The following MOSMO variants were observed in gnomAD, a reference collection of about 807,000 sequenced individuals.
MOSMO encodes modulator of smoothened, also known as modulator of smoothened protein.
In MOSMO, 5 loss-of-function variants were observed where a neutral mutation model predicts 18.4. That is an observed-to-expected ratio of 0.27 (90% CI 0.14 to 0.57). MOSMO has a LOEUF of 0.57. Among genes scored for constraint, MOSMO ranks in the 20% least tolerant of loss-of-function variants. The pLI, the probability that MOSMO is intolerant of heterozygous loss-of-function variation, is 0.92. For synonymous variants in MOSMO, 82 were observed against 82.3 expected (o/e 1.00, Z 0.02); for missense variants, 138 against 211.8 (o/e 0.65, Z 2.16).
chr16:22,088,128 A>AT (rs1273351481), downstream of MOSMO, among the ~76,000 whole-genome samples: 1 of 151,946 alleles, frequency 6.6e-6, no homozygotes, highest in Non-Finnish European at 1.5e-5. Context: ...GGCTCAAGCG[A>AT]TTCACCCACC....
chr16:22,028,862 A>ATGTT (rs1004414627), intron 1 of MOSMO, among the ~76,000 whole-genome samples: 2 of 151,792 alleles, frequency 1.3e-5, no homozygotes, highest in African/African-American at 4.8e-5. Flanking sequence ...ACCCACTGCT[A>ATGTT]TGTTTGTTTG....
At position 22,062,512 on chromosome 16, in the gene MOSMO, A is replaced by G. The variant is rs1417902129; in HGVS notation, c.107-12975A>G. Among the ~76,000 whole-genome samples the G allele has an allele frequency of 6.6e-5, 10 of 152,156 alleles. No homozygotes were observed. In the East Asian group the frequency reaches 1.7e-3, roughly 27 times the overall value. ...TGATTTTTTTAGTTTTTGTAGAGAT[A>G]AAGTCCCAGTGTGTTGCCCAGGCTC... On this transcript the variant is annotated intron_variant, in intron 1 of 2. Transcript: ENST00000542527.
Position 22,075,564 on chromosome 16 carries a change from C to T in MOSMO, c.184C>T (p.Pro62Ser), listed in dbSNP as rs1420038392. ...RDRTCIPPRL[P>S]PEWVTTLFFI... ...CCGGACGTGCATCCCTCCCCGGCTT[C>T]CCCCGGAGTGGGTCACCACACTGTT... Residue 62 changes from proline to serine, a missense_variant, in exon 2 of 3, where the codon CCC becomes TCC. By Grantham distance (74) the Pro-to-Ser change is moderately conservative. Coordinates refer to ENST00000542527, the MANE Select transcript of MOSMO (RefSeq NM_001164579.2). 28 of 1,537,158 alleles carry T rather than the reference C, an allele frequency of 1.8e-5. No individual in the cohort carries two copies. Among genetic ancestry groups the T allele is most frequent in the Non-Finnish European group, 2.3e-5 (26 of 1,146,896 alleles).
At chr16:22,067,903 A>G (rs1173211874) in intron 1 of MOSMO, among the ~76,000 whole-genome samples, 1 of 148,990 alleles carries the variant, frequency 6.7e-6, no homozygotes, top group Non-Finnish European at 1.5e-5. Flanking sequence ...AAAAAAAAAA[A>G]TCACTGTCAA....
chr16:22,016,409 A>C (rs1899638373), intron 1 of MOSMO, among the ~76,000 whole-genome samples: 3 of 152,138 alleles, frequency 2.0e-5, no homozygotes, highest in Non-Finnish European at 4.4e-5. Flanking sequence ...TGTCTGTCTT[A>C]TTTATTTACT....
intron 1 of MOSMO, among the ~76,000 whole-genome samples, chr16:22,052,225 A>G (rs1233759083): frequency 6.6e-6 from 1 of 152,238 alleles, no homozygotes; most frequent in Non-Finnish European, 1.5e-5. Flanking sequence ...AGACAACTGT[A>G]CAAATACAGT....
At chr16:22,056,401 C>T (rs1250828124) in intron 1 of MOSMO, among the ~76,000 whole-genome samples, 12 of 97,566 alleles carry the variant, frequency 1.2e-4, no homozygotes, top group African/African-American at 4.8e-4. Context: ...GAGACAGTTT[C>T]GCTCTTGTCG....
intron 1 of MOSMO, among the ~76,000 whole-genome samples, chr16:22,010,221 C>A (rs543889896): frequency 6.6e-6 from 1 of 152,244 alleles, no homozygotes; most frequent in Non-Finnish European, 1.5e-5. Flanking sequence ...AATTCTGCTA[C>A]TTTTCTTGCC....
intron 1 of MOSMO, among the ~76,000 whole-genome samples, chr16:22,023,832 A>G (rs1899814071): frequency 6.6e-6 from 1 of 151,972 alleles, no homozygotes; most frequent in Admixed American, 6.6e-5. Flanking sequence ...TATCTAATGA[A>G]GAAGACTCTT....
At chr16:22,089,782 C>A (rs115722439), downstream of MOSMO, among the ~76,000 whole-genome samples, 246 of 152,132 alleles carry the variant, frequency 1.6e-3, no homozygotes, top group African/African-American at 5.6e-3. Context: ...TGGACTCTTC[C>A]CTGAATGCAC....
intron 1 of MOSMO, among the ~76,000 whole-genome samples, chr16:22,025,595 C>T (rs1189456171): frequency 1.3e-5 from 2 of 151,978 alleles, no homozygotes; most frequent in Non-Finnish European, 2.9e-5. Flanking sequence ...ATCATGTAAC[C>T]ATCAAGGAAA....
intron 1 of MOSMO, among the ~76,000 whole-genome samples, chr16:22,055,319 C>G (rs931560464): frequency 6.6e-6 from 1 of 152,170 alleles, no homozygotes; most frequent in Non-Finnish European, 1.5e-5. Context: ...AGTCAACACA[C>G]TGCTTCTGGG....
In MOSMO at chr16:22,021,169, C is replaced by T. The variant is rs768404325; in HGVS notation, c.106+12762C>T. ...ATCCAATGTTCCTCATCTGAGCCCA[C>T]GGGAAGGGCCATTGGTCTGGTCTAG... On this transcript the variant is annotated intron_variant, in intron 1 of 2. Transcript: ENST00000542527. Among the ~76,000 whole-genome samples the T allele has an allele frequency of 1.2e-4, 19 of 152,208 alleles. 1 individual carries two copies. The highest frequency in any genetic ancestry group is 4.2e-4 in the South Asian group (2 of 4,818).
At chr16:22,058,182 C>T (rs1345093724) in intron 1 of MOSMO, among the ~76,000 whole-genome samples, 1 of 152,132 alleles carries the variant, frequency 6.6e-6, no homozygotes. Flanking sequence ...AATCCCAGCA[C>T]TTTGGGAGGC....
At chr16:22,051,915 G>T (rs148282844) in intron 1 of MOSMO, among the ~76,000 whole-genome samples, 1 of 152,124 alleles carries the variant, frequency 6.6e-6, no homozygotes. Flanking sequence ...GTGTGGGGGA[G>T]AAACCCCACG....
At chr16:22,033,478 C>T (rs1190263921) in intron 1 of MOSMO, among the ~76,000 whole-genome samples, 2 of 151,958 alleles carry the variant, frequency 1.3e-5, no homozygotes, top group South Asian at 4.2e-4. Flanking sequence ...ACCTCGGCCT[C>T]CTGGGTTCAG....
chr16:22,036,204 G>A (rs539767390), intron 1 of MOSMO, among the ~76,000 whole-genome samples: 13 of 152,114 alleles, frequency 8.5e-5, no homozygotes, highest in Admixed American at 2.0e-4. Flanking sequence ...ATGGCTCACC[G>A]CAGCCTTGAC....
chr16:22,023,874 G>A (rs1899815550), intron 1 of MOSMO, among the ~76,000 whole-genome samples: 1 of 151,744 alleles, frequency 6.6e-6, no homozygotes, highest in Non-Finnish European at 1.5e-5. Context: ...AGGCTACAGA[G>A]GTACTTACTC....
intron 1 of MOSMO, among the ~76,000 whole-genome samples, chr16:22,062,736 T>C (rs2141761772): frequency 6.6e-6 from 1 of 152,326 alleles, no homozygotes; most frequent in African/African-American, 2.4e-5. Context: ...GTATACATTC[T>C]CTCTCTTAAT....
Sources: allele counts gnomAD v4.1 joint callset (sites outside exome capture counted in the v4.1 genomes callset), GRCh38; gene constraint gnomAD v4.1.1; transcripts MANE v1.5; gene names NCBI Gene and HGNC (gene_info 2026-07-23, HGNC 2026-07-21).